The following MSH3 variants were observed in gnomAD, a reference collection of about 807,000 sequenced individuals.
MSH3 encodes DNA mismatch repair protein Msh3.
In MSH3, 106 loss-of-function variants were observed where a neutral mutation model predicts 123.3. The observed-to-expected ratio is 0.86, with a 90% CI of 0.73 to 1.01. The LOEUF is 1.01. MSH3 is among the 50% of genes least tolerant of loss of function. The pLI is 0.00. For missense variants in MSH3, 1,459 were observed against 1,347.6 expected, an observed-to-expected ratio of 1.08 and a Z score of -1.29; for synonymous variants, 515 against 481.4, an observed-to-expected ratio of 1.07 and a Z score of -0.91.
intron 22 of MSH3, among the ~76,000 whole-genome samples, chr5:80,865,864 T>A (rs1235600594): frequency 6.6e-6 from 1 of 152,198 alleles, no homozygotes; most frequent in Admixed American, 6.5e-5. Context: ...GGGCCTAAGA[T>A]AAATGTAATG....
At chr5:80,725,637 C>A in intron 9 of MSH3, 72 bp downstream of exon 9, 1 of 983,206 alleles carries the variant, frequency 1.0e-6, no homozygotes, top group Non-Finnish European at 1.6e-6. Flanking sequence ...GTATGATTCT[C>A]AATTTAATGA....
At chr5:80,764,536 AT>A (rs62867161) in intron 13 of MSH3, among the ~76,000 whole-genome samples, 50,313 of 130,688 alleles carry the variant, frequency 0.38, 8,649 homozygotes, top group East Asian at 0.59. Context: ...TTTTTTTTGC[AT>A]TTTTTTGTAG....
At chr5:80,818,881 A>G (rs1446579239) in intron 20 of MSH3, among the ~76,000 whole-genome samples, 2 of 152,156 alleles carry the variant, frequency 1.3e-5, no homozygotes, top group African/African-American at 4.8e-5. Flanking sequence ...GGATTTTTTT[A>G]TAAGTTTTTT....
At chr5:80,807,936 G>A (rs564753907) in intron 19 of MSH3, among the ~76,000 whole-genome samples, 1 of 152,274 alleles carries the variant, frequency 6.6e-6, no homozygotes, top group East Asian at 1.9e-4. Flanking sequence ...CAGTGGCCAG[G>A]CTGGGAATTT....
At chr5:80,764,381 T>TC (rs1744089273) in intron 13 of MSH3, among the ~76,000 whole-genome samples, 1 of 143,986 alleles carries the variant, frequency 6.9e-6, no homozygotes, top group African/African-American at 2.7e-5. Context: ...TTCTTCTTCT[T>TC]CTTTTTTTTT....
Position 80,713,131 on chromosome 5 carries a change from A to T in MSH3, c.1341-12322A>T, listed in dbSNP as rs542578402. On this transcript the variant is annotated intron_variant, in intron 8 of 23. Transcript: ENST00000265081. The stretch of plus-strand genomic sequence containing the variant: ...TGAGTTTCTAAAGTCGGTATAGATC[A>T]TGCAATTGGTAAGCTGACATTTGTT... 5.9e-5 allele frequency among the ~76,000 whole-genome samples: 9 copies of T among 152,322 alleles called. No homozygotes were observed. The East Asian group carries it at 1.7e-3, about 29-fold the overall frequency.
At chr5:80,863,809 A>T (rs958931635) in intron 21 of MSH3, among the ~76,000 whole-genome samples, 1 of 152,192 alleles carries the variant, frequency 6.6e-6, no homozygotes, top group Non-Finnish European at 1.5e-5. Flanking sequence ...ATGGAAAGGA[A>T]TGTTCAGGTT....
intron 8 of MSH3, among the ~76,000 whole-genome samples, chr5:80,702,086 T>G (rs1750622516): frequency 6.6e-6 from 1 of 152,148 alleles, no homozygotes; most frequent in African/African-American, 2.4e-5. Context: ...AATATAAAAT[T>G]TATTAATATA....
At chr5:80,857,669 T>C (rs1745942249) in intron 21 of MSH3, among the ~76,000 whole-genome samples, 1 of 152,260 alleles carries the variant, frequency 6.6e-6, no homozygotes, top group African/African-American at 2.4e-5. Context: ...TTACCAGATT[T>C]GTGGACATAG....
intron 10 of MSH3, among the ~76,000 whole-genome samples, chr5:80,735,508 G>A (rs1283531165): frequency 2.0e-5 from 3 of 151,344 alleles, no homozygotes; most frequent in Non-Finnish European, 4.4e-5. Context: ...GTAACACGAT[G>A]AAACCCCATC....
intron 20 of MSH3, among the ~76,000 whole-genome samples, chr5:80,832,240 G>T (rs1343270673): frequency 6.6e-6 from 1 of 152,156 alleles, no homozygotes; most frequent in African/African-American, 2.4e-5. Context: ...GGGGAAAGGG[G>T]AGAGTTTTCC....
intron 8 of MSH3, among the ~76,000 whole-genome samples, chr5:80,708,032 T>G (rs1750761051): frequency 6.6e-6 from 1 of 152,238 alleles, no homozygotes; most frequent in Non-Finnish European, 1.5e-5. Flanking sequence ...TTATACATTC[T>G]GAATAAAAAT....
chr5:80,735,505 G>A lies in MSH3; in HGVS notation c.1569-5959G>A, dbSNP rs150083518. Among the ~76,000 whole-genome samples the A allele has an allele frequency of 6.8e-3, 1,031 of 151,244 alleles. 14 individuals carry two copies. The highest frequency in any genetic ancestry group is 0.023 in the African/African-American group (932 of 41,198). On this transcript the variant is annotated intron_variant, in intron 10 of 23. Transcript: ENST00000265081. ...AGTCCGAGACCAGCCTGGGTAACAC[G>A]ATGAAACCCCATCTCTACTAAAATA...
chr5:80,849,485 C>T (rs1745791465), intron 20 of MSH3, among the ~76,000 whole-genome samples: 1 of 152,168 alleles, frequency 6.6e-6, no homozygotes, highest in South Asian at 2.1e-4. Flanking sequence ...GCCTGGACAT[C>T]CAGTTATTTC....
rs112965987 is a variant in MSH3, at chr5:80,701,553, T to G, written c.1340+22460T>G. 2.5e-3 allele frequency among the ~76,000 whole-genome samples: 385 copies of G among 152,326 alleles called. 2 individuals carry two copies. The highest frequency in any genetic ancestry group is 9.0e-3 in the African/African-American group (374 of 41,566). On this transcript the variant is annotated intron_variant, in intron 8 of 23. Transcript: ENST00000265081. Reference sequence around the variant, plus strand: ...ACAGTTACTGTCTGTCCTCAGGATCTCTTTATTTTTTTCTTCTCCTTTTCA... The same window carrying G: ...ACAGTTACTGTCTGTCCTCAGGATCGCTTTATTTTTTTCTTCTCCTTTTCA...
chr5:80,869,841 T>TAC (rs35006113), intron 22 of MSH3, among the ~76,000 whole-genome samples: 2,162 of 132,492 alleles, frequency 0.016, 27 homozygotes, highest in Middle Eastern at 0.028. Flanking sequence ...TACATATATA[T>TAC]ACACACACAC....
chr5:80,694,730 T>G (rs555992351), intron 8 of MSH3, among the ~76,000 whole-genome samples: 43 of 152,156 alleles, frequency 2.8e-4, no homozygotes, highest in African/African-American at 9.1e-4. Context: ...TTGGAAGATA[T>G]TTTTTGCCAG....
chr5:80,705,326 C>T (rs993590579), intron 8 of MSH3, among the ~76,000 whole-genome samples: 3 of 152,144 alleles, frequency 2.0e-5, no homozygotes, highest in African/African-American at 7.2e-5. Flanking sequence ...ATGCCGATGC[C>T]TGAGTTTTTG....
intron 6 of MSH3, among the ~76,000 whole-genome samples, chr5:80,674,009 G>A (rs1749778298): frequency 6.6e-6 from 1 of 152,208 alleles, no homozygotes; most frequent in African/African-American, 2.4e-5. Flanking sequence ...TAATTCTAAG[G>A]ACTGTTTTGT....
Sources: allele counts gnomAD v4.1 joint callset (sites outside exome capture counted in the v4.1 genomes callset), GRCh38; gene constraint gnomAD v4.1.1; transcripts MANE v1.5; gene names NCBI Gene and HGNC (gene_info 2026-07-23, HGNC 2026-07-21).